APLF: variants seen among roughly 807,000 people sequenced by gnomAD.
The protein encoded by APLF is aprataxin and PNKP like factor, also known as aprataxin and PNK-like factor.
APLF carries 61 observed loss-of-function variants against 55.6 expected under a neutral mutation model. The observed-to-expected ratio is 1.10, with a 90% confidence interval of 0.89 to 1.36. APLF has a LOEUF of 1.36. APLF is among the 40% of genes most tolerant of loss of function. APLF has a pLI of 0.00. For missense variants in APLF, 611 were observed against 602.5 expected, an observed-to-expected ratio of 1.01 and a Z score of -0.15; for synonymous variants, 207 against 214.8, an observed-to-expected ratio of 0.96 and a Z score of 0.32.
chr2:68,536,993 C>G (rs1327946359), intron 6 of APLF, among the ~76,000 whole-genome samples: 1 of 151,868 alleles, frequency 6.6e-6, no homozygotes, highest in Non-Finnish European at 1.5e-5. Context: ...AGTGAAACCC[C>G]GTCTCTACTA....
At chr2:68,533,205 G>C (rs575726052) in intron 6 of APLF, among the ~76,000 whole-genome samples, 4 of 152,098 alleles carry the variant, frequency 2.6e-5, no homozygotes, top group Admixed American at 2.0e-4. Flanking sequence ...ACCAGATGCT[G>C]GTGCCTTGAT....
chr2:68,502,721 A>T lies in APLF; in HGVS notation c.169-10A>T, dbSNP rs1184548548. The T allele has an allele frequency of 7.2e-7, 1 of 1,386,780 alleles. No individual in the cohort carries two copies. Among genetic ancestry groups the T allele is most frequent in the Non-Finnish European group, 9.5e-7 (1 of 1,056,310 alleles). 85.9% of individuals were successfully genotyped at this position (1,386,780 alleles called of 1,614,324 possible). A position where few individuals can be genotyped will look rare whatever the true frequency, so the allele number is the denominator to read the frequency against. ...TTTAAATTTAATTATATTCTTTTTT[A>T]ATTTGTTAGATACACACAAATCCAT... On this transcript the variant is annotated splice_polypyrimidine_tract_variant and intron_variant, in intron 2 of 9. Coordinates refer to ENST00000303795, the MANE Select transcript of APLF (RefSeq NM_173545.3).
rs1553366886 is a variant in APLF, at chr2:68,469,017, T to TGC, written c.96+1191_96+1192insCG. The stretch of plus-strand genomic sequence containing the variant: ...GTGTGTGTGTGTGTGTGTGTGTGTG[T>TGC]GTGTTGTGTGTTGTGTGTTGTGTAC... On this transcript the variant is annotated intron_variant, in intron 1 of 9. Transcript: ENST00000303795. Among the ~76,000 whole-genome samples the TGC allele has an allele frequency of 1.3e-4, 18 of 143,126 alleles. No individual in the cohort carries two copies. In the East Asian group the frequency reaches 2.1e-3, roughly 17 times the overall value. 93.9% of individuals were successfully genotyped at this position (143,126 alleles called of 152,430 possible).
At chr2:68,478,371 C>T (rs1675845152) in intron 1 of APLF, among the ~76,000 whole-genome samples, 1 of 152,054 alleles carries the variant, frequency 6.6e-6, no homozygotes, top group Non-Finnish European at 1.5e-5. Flanking sequence ...TTGTAAAACA[C>T]CTTTTTATCT....
At chr2:68,497,227 A>T (rs1319469854) in intron 2 of APLF, among the ~76,000 whole-genome samples, 1 of 152,102 alleles carries the variant, frequency 6.6e-6, no homozygotes, top group African/African-American at 2.4e-5. Flanking sequence ...AGTACATCAC[A>T]TGTTGAAAGC....
At chr2:68,509,961 C>T (rs1317543200) in intron 3 of APLF, among the ~76,000 whole-genome samples, 10 of 150,860 alleles carry the variant, frequency 6.6e-5, no homozygotes, top group East Asian at 2.0e-4. Flanking sequence ...AGCAAACTAT[C>T]GCAAGGACAA....
At chr2:68,474,004 C>T (rs1436767227) in intron 1 of APLF, among the ~76,000 whole-genome samples, 2 of 152,208 alleles carry the variant, frequency 1.3e-5, no homozygotes, top group African/African-American at 2.4e-5. Context: ...TTCTGAACCA[C>T]TGGATGTAAA....
intron 2 of APLF, among the ~76,000 whole-genome samples, chr2:68,493,891 G>A (rs917674928): frequency 4.6e-5 from 7 of 151,826 alleles, no homozygotes; most frequent in African/African-American, 1.5e-4. Flanking sequence ...GGTGGATCAC[G>A]AGGTCAGGAG....
chr2:68,530,175 T>A (rs142904754), intron 6 of APLF, among the ~76,000 whole-genome samples: 3,688 of 152,330 alleles, frequency 0.024, 84 homozygotes, highest in African/African-American at 0.083. Flanking sequence ...GAACCCGGGC[T>A]GTGCGATTCC....
chr2:68,474,210 G>A (rs560118324), intron 1 of APLF, among the ~76,000 whole-genome samples: 35 of 152,304 alleles, frequency 2.3e-4, no homozygotes, highest in African/African-American at 7.5e-4. Context: ...CACCTGTTTG[G>A]AAGCTTTCCT....
chr2:68,569,907 T>G (rs1183464296), intron 9 of APLF, among the ~76,000 whole-genome samples: 1 of 152,050 alleles, frequency 6.6e-6, no homozygotes, highest in Non-Finnish European at 1.5e-5. Flanking sequence ...ACTGGGGAGT[T>G]TTGTTGTTTT....
intron 7 of APLF, 121 bp downstream of exon 7, chr2:68,538,348 A>G: frequency 2.4e-6 from 2 of 825,294 alleles, no homozygotes; most frequent in South Asian, 2.5e-5. Flanking sequence ...TAGGGGCTTT[A>G]TCGTGTTTCT....
At chr2:68,495,606 T>C (rs1328995506) in intron 2 of APLF, among the ~76,000 whole-genome samples, 1 of 152,228 alleles carries the variant, frequency 6.6e-6, no homozygotes, top group Non-Finnish European at 1.5e-5. Flanking sequence ...CTCACAGCTC[T>C]ACTAGGCAGT....
chr2:68,480,525 A>G (rs1266279771), intron 1 of APLF, among the ~76,000 whole-genome samples: 2 of 151,418 alleles, frequency 1.3e-5, no homozygotes, highest in Non-Finnish European at 2.9e-5. Context: ...GCTGGTCTTG[A>G]ACTCCTGACC....
intron 1 of APLF, among the ~76,000 whole-genome samples, chr2:68,480,357 T>C (rs536629590): frequency 7.3e-5 from 11 of 151,458 alleles, no homozygotes; most frequent in Admixed American, 6.6e-4. Flanking sequence ...CAGGCTGGAG[T>C]GCGGTGGCAT....
chr2:68,534,500 G>A (rs1468154188), intron 6 of APLF, among the ~76,000 whole-genome samples: 1 of 152,186 alleles, frequency 6.6e-6, no homozygotes, highest in Non-Finnish European at 1.5e-5. Flanking sequence ...ATAACACTCA[G>A]ATGGTTGAGG....
Position 68,513,128 on chromosome 2 carries a change from AT to A in APLF, c.391del (p.Ser131ProfsTer3), listed in dbSNP as rs745914580. On this transcript the variant is annotated frameshift_variant, in exon 4 of 10. Coordinates refer to ENST00000303795, the MANE Select transcript of APLF (RefSeq NM_173545.3). LOFTEE classifies it high-confidence loss of function. The part of the protein sequence containing the change: ...EDNILNETPK[S>X]PVINLPHETT... Reference sequence around the variant, plus strand: ...ATAATATATTGAATGAAACACCAAAATCCCCCGTGATTAATTTACCTCATGA... The same window carrying A: ...ATAATATATTGAATGAAACACCAAAACCCCCGTGATTAATTTACCTCATGA... The A allele has an allele frequency of 6.2e-7, 1 of 1,611,204 alleles. No homozygotes were observed. Among genetic ancestry groups the A allele is most frequent in the African/African-American group, 1.3e-5 (1 of 74,838 alleles).
chr2:68,573,433 G>A (rs1486896308), intron 9 of APLF, among the ~76,000 whole-genome samples: 2 of 152,160 alleles, frequency 1.3e-5, no homozygotes, highest in Non-Finnish European at 2.9e-5. Context: ...AGCACTTTGG[G>A]GGGCCGAGGC....
At chr2:68,481,783 T>C (rs1182102566) in intron 1 of APLF, among the ~76,000 whole-genome samples, 1 of 152,124 alleles carries the variant, frequency 6.6e-6, no homozygotes, top group Non-Finnish European at 1.5e-5. Context: ...TTCAATCGGT[T>C]TTCTTCATTC....
Sources: allele counts gnomAD v4.1 joint callset (sites outside exome capture counted in the v4.1 genomes callset), GRCh38; gene constraint gnomAD v4.1.1; transcripts MANE v1.5; gene names NCBI Gene and HGNC (gene_info 2026-07-23, HGNC 2026-07-21).